Variants in EMILIN1 observed in about 807,000 individuals in gnomAD.
The protein encoded by EMILIN1 is EMILIN-1.
Under a neutral mutation model 82.4 loss-of-function variants are expected in EMILIN1, and 49 were observed. That is an observed-to-expected ratio of 0.59 (90% CI 0.47 to 0.75). The LOEUF (loss-of-function observed/expected upper bound fraction) is 0.75. Ranked by LOEUF, EMILIN1 falls within the 30% of genes least tolerant of loss-of-function variation. The pLI is 0.00. For synonymous variants in EMILIN1, 604 were observed against 602.2 expected, an observed-to-expected ratio of 1.00 and a Z score of -0.04; for missense variants, 1,313 against 1,366.4, an observed-to-expected ratio of 0.96 and a Z score of 0.62.
chr2:27,081,004 G>A, intron 3 of EMILIN1, 52 bp downstream of exon 3: 4 of 1,372,712 alleles, frequency 2.9e-6, no homozygotes, highest in Middle Eastern at 4.9e-4. Context: ...GTGATCCAAT[G>A]CAATGGGAAA....
At chr2:27,079,560 G>T (rs1186183444) in intron 1 of EMILIN1, among the ~76,000 whole-genome samples, 2 of 152,186 alleles carry the variant, frequency 1.3e-5, no homozygotes, top group African/African-American at 4.8e-5. Flanking sequence ...CCCTTCTAGG[G>T]CTCCCTTGAC....
In EMILIN1 at chr2:27,082,132, C is replaced by T. The variant is rs754975493; in HGVS notation, c.561C>T (p.Ser187=). The T allele has an allele frequency of 9.3e-6, 15 of 1,613,568 alleles. No individual in the cohort carries two copies. The highest frequency in any genetic ancestry group is 1.3e-5 in the African/African-American group (1 of 74,928). ...AGCAGCTGGAGGAACAGGTGCAGAG[C>T]CTGACCAAGGAGCTGCAAGGCCTGC... is the stretch of plus-strand genomic sequence containing the variant. ...KVQQLEEQVQ[S]LTKELQGLRG... is the part of the protein sequence containing the mutation. Residue 187 remains serine (S), a synonymous_variant, in exon 4 of 8, where the codon AGC becomes AGT. Coordinates refer to ENST00000380320, the MANE Select transcript of EMILIN1 (RefSeq NM_007046.4).
intron 6 of EMILIN1, 29 bp downstream of exon 6, chr2:27,085,037 G>A (rs761833164): frequency 6.2e-7 from 1 of 1,613,644 alleles, no homozygotes; most frequent in Admixed American, 1.7e-5. Context: ...ATTCTGGAGG[G>A]AGAAGTGACT....
In EMILIN1 at chr2:27,082,231, G is replaced by A. The variant is rs780211522; in HGVS notation, c.660G>A (p.Gly220=). ...GGGCTGTGGAGACGGCCTTCAACGG[G>A]AGGCAGCAGCCAGCTGACGCGGCTG... is the stretch of plus-strand genomic sequence containing the variant. ...VQRAVETAFN[G]RQQPADAAAR... is the part of the protein sequence containing the mutation. The change falls in exon 4 of 8, where the codon GGG becomes GGA. Residue 220 remains glycine, a synonymous_variant. Coordinates refer to ENST00000380320, the MANE Select transcript of EMILIN1 (RefSeq NM_007046.4). 5.0e-6 allele frequency: 8 copies of A among 1,613,354 alleles called. No homozygotes were observed. Among genetic ancestry groups the A allele is most frequent in the East Asian group, 4.5e-5 (2 of 44,894 alleles).
rs1288884461 is a variant in EMILIN1, at chr2:27,080,901, A to C, written c.460A>C (p.Asn154His). The change falls in exon 3 of 8, where the codon AAC becomes CAC. Residue 154 changes from asparagine (N) to histidine (H), a missense_variant. By Grantham distance (68) the Asn-to-His change is moderately conservative (BLOSUM62 1). Transcript: ENST00000380320. ...PRPLARPARP[N>H]LSGSSAGSPL... ...GCCCCTGGCCCGGCCTGCCCGCCCC[A>C]ACCTCTCTGGCTCCAGTGCAGGCAG... 6.2e-7 allele frequency: 1 copy of C among 1,607,332 alleles called. No homozygotes were observed. Among genetic ancestry groups the C allele is most frequent in the Non-Finnish European group, 8.5e-7 (1 of 1,177,284 alleles).
At chr2:27,079,319 G>A (rs1227289003) in intron 1 of EMILIN1, 84 bp downstream of exon 1, 5 of 1,197,254 alleles carry the variant, frequency 4.2e-6, no homozygotes, top group East Asian at 3.0e-5. Flanking sequence ...TGCTGTGTCC[G>A]CTAATGCAGG....
Position 27,080,132 on chromosome 2 carries a change from G to A in EMILIN1, c.171-19G>A, listed in dbSNP as rs1669447775. ...CATGTATCTTTGGTCCTTGGACCCA[G>A]AGGGGGTTGTACCTACAGGAACTGG... On this transcript the variant is annotated intron_variant, in intron 1 of 7. Coordinates refer to ENST00000380320, the MANE Select transcript of EMILIN1 (RefSeq NM_007046.4). 6.2e-7 allele frequency: 1 copy of A among 1,613,552 alleles called. No homozygotes were observed. Among genetic ancestry groups the A allele is most frequent in the Non-Finnish European group, 8.5e-7 (1 of 1,179,688 alleles).
rs148018316 is a variant in EMILIN1 at position 27,083,859 on chromosome 2, G to A, written c.2288G>A (p.Arg763Gln). ...GTGGCTGGGCTCTGGGCTGGGCTCC[G>A]GGAAACCAACACCACCAGCCAGATG... ...RHVAGLWAGLRETNTTSQMQA... is the reference protein window; with the variant it reads ...RHVAGLWAGLQETNTTSQMQA... The change falls in exon 4 of 8, where the codon CGG becomes CAG. Residue 763 changes from arginine to glutamine, a missense_variant. Arg to Gln is a conservative substitution (Grantham distance 43). Coordinates refer to ENST00000380320, the MANE Select transcript of EMILIN1 (RefSeq NM_007046.4). 3.2e-5 allele frequency: 51 copies of A among 1,606,754 alleles called. No individual in the cohort carries two copies. The highest frequency in any genetic ancestry group is 2.6e-4 in the South Asian group (24 of 90,610).
chr2:27,084,295 G>A, intron 4 of EMILIN1, 120 bp from the exon 5 acceptor site: 1 of 731,134 alleles, frequency 1.4e-6, no homozygotes, highest in Non-Finnish European at 2.4e-6. Flanking sequence ...GGCCCCCTCA[G>A]CCTGCAAAGC....
intron 5 of EMILIN1, 60 bp downstream of exon 5, chr2:27,084,591 C>G (rs1669557553): frequency 3.0e-6 from 3 of 1,002,826 alleles, no homozygotes; most frequent in Non-Finnish European, 4.7e-6. Flanking sequence ...CAACCCTGAC[C>G]CCCGCTGGCA....
chr2:27,082,592 G>A lies in EMILIN1; in HGVS notation c.1021G>A (p.Ala341Thr), dbSNP rs1180958547. 15 of 1,542,874 alleles carry A rather than the reference G, an allele frequency of 9.7e-6. No homozygotes were observed. The highest frequency in any genetic ancestry group is 3.9e-4 in the Middle Eastern group (2 of 5,160). The change falls in exon 4 of 8, where the codon GCA (alanine) becomes ACA (threonine). Residue 341 changes from alanine to threonine, a missense_variant. Ala to Thr is a moderately conservative substitution (Grantham distance 58). Coordinates refer to ENST00000380320, the MANE Select transcript of EMILIN1 (RefSeq NM_007046.4). ...ASVEERQRHLAGLAVGRRPPQ... is the reference protein window; with the variant it reads ...ASVEERQRHLTGLAVGRRPPQ... ...GGTGGAGGAGCGGCAACGGCACCTC[G>A]CAGGGCTGGCGGTGGGCCGCAGGCC...
At chr2:27,085,093 C>T (rs1669578273) in intron 6 of EMILIN1, 67 bp from the exon 7 acceptor site, 2 of 1,613,102 alleles carry the variant, frequency 1.2e-6, no homozygotes, top group Non-Finnish European at 1.7e-6. Flanking sequence ...GGCTGGGGAT[C>T]CAGCAGGGGA....
At chr2:27,081,842 C>A (rs1440889874) in intron 3 of EMILIN1, among the ~76,000 whole-genome samples, 1 of 152,208 alleles carries the variant, frequency 6.6e-6, no homozygotes, top group East Asian at 1.9e-4. Context: ...AGTTTCCCAG[C>A]CTATATGATG....
chr2:27,082,366 T>C lies in EMILIN1; in HGVS notation c.795T>C (p.His265=), dbSNP rs1558433587. The change falls in exon 4 of 8, where the codon CAT becomes CAC. Residue 265 remains histidine (H), a synonymous_variant. Transcript: ENST00000380320. ...AGCTGGGTCACCTCAACAACCATCA[T>C]GGCGGCAGCAGCAGCAGTGGGGGCA... ...DQELGHLNNH[H]GGSSSSGGSR... is the part of the protein sequence containing the mutation. The C allele has an allele frequency of 2.5e-6, 4 of 1,611,678 alleles. No individual in the cohort carries two copies. Among genetic ancestry groups the C allele is most frequent in the East Asian group, 2.2e-5 (1 of 44,854 alleles).
rs1379193231 is a variant in EMILIN1, at chr2:27,082,380, G to T, written c.809G>T (p.Ser270Ile). 10 of 1,610,432 alleles carry T rather than the reference G, an allele frequency of 6.2e-6. No individual in the cohort carries two copies. Among genetic ancestry groups the T allele is most frequent in the Non-Finnish European group, 8.5e-6 (10 of 1,179,396 alleles). The change falls in exon 4 of 8, where the codon AGC becomes ATC. Residue 270 changes from serine (S) to isoleucine (I), a missense_variant. By Grantham distance (142) the Ser-to-Ile change is moderately radical. Coordinates refer to ENST00000380320, the MANE Select transcript of EMILIN1 (RefSeq NM_007046.4). Reference sequence around the variant, plus strand: ...AACAACCATCATGGCGGCAGCAGCAGCAGTGGGGGCAGCAGGGCCCCAGCC... The same window carrying T: ...AACAACCATCATGGCGGCAGCAGCATCAGTGGGGGCAGCAGGGCCCCAGCC... ...HLNNHHGGSS[S>I]SGGSRAPAPA...
rs139201491 is a variant in EMILIN1 at position 27,079,542 on chromosome 2, C to A, written c.170+307C>A. ...CCTAGCCCCAGAGCCTCAGGGAGAA[C>A]TTTTGTCCCCTTCTAGGGCTCCCTT... On this transcript the variant is annotated intron_variant, in intron 1 of 7. Coordinates refer to ENST00000380320, the MANE Select transcript of EMILIN1 (RefSeq NM_007046.4). 1.9e-3 allele frequency among the ~76,000 whole-genome samples: 291 copies of A among 152,294 alleles called. 2 individuals carry two copies. The highest frequency in any genetic ancestry group is 6.8e-3 in the African/African-American group (282 of 41,572).
In EMILIN1 at chr2:27,085,257, A is replaced by C. The variant is rs1409040102; in HGVS notation, c.2673A>C (p.Arg891Ser). ...RSEPGTVPFD[R>S]VLLNDGGYYD... ...AACCAGGCACGGTCCCCTTCGACAG[A>C]GTCCTGCTCAATGATGGAGGCTATT... The change falls in exon 7 of 8, where the codon AGA becomes AGC. Residue 891 changes from arginine to serine, a missense_variant. Physicochemically the swap from Arg to Ser is moderately radical, Grantham distance 110 (BLOSUM62 -1). Coordinates refer to ENST00000380320, the MANE Select transcript of EMILIN1 (RefSeq NM_007046.4). 2 of 1,614,116 alleles carry C rather than the reference A, an allele frequency of 1.2e-6. No individual in the cohort carries two copies. Among genetic ancestry groups the C allele is most frequent in the Non-Finnish European group, 1.7e-6 (2 of 1,180,048 alleles).
chr2:27,082,496 C>T lies in EMILIN1; in HGVS notation c.925C>T (p.Leu309=), dbSNP rs1404487535. The part of the protein sequence containing the change: ...QESCSVCLAG[L]DGFRRQQQED... ...GTCCTGCTCCGTGTGCCTGGCCGGGCTAGATGGCTTCCGCCGGCAGCAGCA... is the reference window on the plus strand; with the variant it reads ...GTCCTGCTCCGTGTGCCTGGCCGGGTTAGATGGCTTCCGCCGGCAGCAGCA... Residue 309 remains leucine (L), a synonymous_variant, in exon 4 of 8, where the codon CTA becomes TTA. Transcript: ENST00000380320. The T allele has an allele frequency of 6.5e-7, 1 of 1,549,896 alleles. No homozygotes were observed. Among genetic ancestry groups the T allele is most frequent in the Non-Finnish European group, 8.7e-7 (1 of 1,148,506 alleles).
chr2:27,081,142 T>TGC, intron 3 of EMILIN1, among the ~76,000 whole-genome samples, 190 bp downstream of exon 3: 1 of 151,646 alleles, frequency 6.6e-6, no homozygotes, highest in Non-Finnish European at 1.5e-5. Flanking sequence ...TGTGTGTGTG[T>TGC]GTGTGTATTT....
Sources: allele counts gnomAD v4.1 joint callset (sites outside exome capture counted in the v4.1 genomes callset), GRCh38; gene constraint gnomAD v4.1.1; transcripts MANE v1.5; gene names NCBI Gene and HGNC (gene_info 2026-07-23, HGNC 2026-07-21).